ZNF317: variants seen among roughly 807,000 people sequenced by gnomAD.
ZNF317 encodes zinc finger protein 317, also known as KRAB-containing zinc finger protein 317.
ZNF317 carries 17 observed loss-of-function variants against 23.4 expected under a neutral mutation model. That is an observed-to-expected ratio of 0.73 (90% CI 0.50 to 1.09). ZNF317 has a LOEUF of 1.09. Among genes scored for constraint, ZNF317 ranks in the 50% least tolerant of loss-of-function variants. The pLI is 0.00. For synonymous variants in ZNF317, 317 were observed against 314.9 expected (o/e 1.01, Z -0.07); for missense variants, 679 against 796.7 (o/e 0.85, Z 1.78).
chr19:9,156,195 T>A lies in ZNF317; in HGVS notation c.25+154T>A, dbSNP rs192756898. ...AACAGAGCCCCAGCAGCCACCCCAG[T>A]GACTGTGTCTGCTGAGGGTCTTGGT... On this transcript the variant is annotated intron_variant, in intron 2 of 6. Transcript: ENST00000247956. Among the ~76,000 whole-genome samples, 313 of 139,852 alleles carry A rather than the reference T, an allele frequency of 2.2e-3. 2 individuals are homozygous for A. The highest frequency in any genetic ancestry group is 8.5e-3 in the African/African-American group (298 of 34,928). The allele number at this position is 139,852 out of a possible 152,430, so 91.7% of individuals were successfully genotyped here.
chr19:9,158,043 A>G lies in ZNF317; in HGVS notation c.353A>G (p.Glu118Gly), dbSNP rs1306524672. The G allele has an allele frequency of 1.5e-5, 24 of 1,551,410 alleles. No individual in the cohort carries two copies. Among genetic ancestry groups the G allele is most frequent in the Non-Finnish European group, 2.0e-5 (23 of 1,146,930 alleles). ...GAGCAGGAGGAGGAGCCGAGGACAG[A>G]GGAGAGGGGCGCTCACCAGGGCGCT... Reference protein sequence around the residue: ...HLEQEEEPRTEERGAHQGACA... With the variant: ...HLEQEEEPRTGERGAHQGACA... The change falls in exon 5 of 7, where the codon GAG becomes GGG. Residue 118 changes from glutamate (E) to glycine (G), a missense_variant. By Grantham distance (98) the Glu-to-Gly change is moderately conservative. Coordinates refer to ENST00000247956, the MANE Select transcript of ZNF317 (RefSeq NM_020933.5).
chr19:9,145,356 C>G (rs2145940611), intron 1 of ZNF317, among the ~76,000 whole-genome samples: 1 of 152,334 alleles, frequency 6.6e-6, no homozygotes, highest in South Asian at 2.1e-4. Context: ...CTCCTGCGTG[C>G]AAGTGATCCA....
chr19:9,161,408 C>T lies in ZNF317; in HGVS notation c.1763C>T (p.Ser588Leu). Residue 588 changes from serine to leucine, a missense_variant, in exon 7 of 7, where the codon TCA (serine) becomes TTA (leucine). Ser to Leu is a moderately radical substitution (Grantham distance 145). Coordinates refer to ENST00000247956, the MANE Select transcript of ZNF317 (RefSeq NM_020933.5). The surrounding 1 kb of genome is among the most constrained non-coding windows in gnomAD (Gnocchi z 4.0). ...CACCGGGGAGAGAAGCTCTTTGTGT[C>T]ATCCGTGTGGAAAAGGCTCCAGTGA... ...KTHRGEKLFV[S>L]SVWKRLQ The T allele has an allele frequency of 1.2e-6, 2 of 1,612,920 alleles. No homozygotes were observed. The highest frequency in any genetic ancestry group is 1.7e-6 in the Non-Finnish European group (2 of 1,179,062).
In ZNF317 at chr19:9,158,022, A is replaced by G. The variant is rs371164569; in HGVS notation, c.332A>G (p.Gln111Arg). ...GKPSLISHLE[Q>R]EEEPRTEERG... The stretch of plus-strand genomic sequence containing the variant: ...CCCAGCCTCATCTCACACTTGGAGC[A>G]GGAGGAGGAGCCGAGGACAGAGGAG... Residue 111 changes from glutamine (Q) to arginine (R), a missense_variant, in exon 5 of 7, where the codon CAG becomes CGG. Transcript: ENST00000247956. The G allele has an allele frequency of 1.3e-6, 2 of 1,551,584 alleles. No individual in the cohort carries two copies. The highest frequency in any genetic ancestry group is 4.9e-5 in the East Asian group (2 of 40,892).
rs375442218 is a variant in ZNF317, at chr19:9,160,857, C to G, written c.1212C>G (p.Ser404=). The G allele has an allele frequency of 8.7e-6, 14 of 1,614,092 alleles. No individual in the cohort carries two copies. Among genetic ancestry groups the G allele is most frequent in the Non-Finnish European group, 1.2e-5 (14 of 1,180,018 alleles). ...ECGKSFGDLV[S]RRKHMRIHIV... ...GGAAATCCTTTGGCGATCTCGTGTC[C>G]CGGAGGAAACACATGAGGATTCACA... is the stretch of plus-strand genomic sequence containing the variant. Residue 404 remains serine (S), a synonymous_variant, in exon 7 of 7, where the codon TCC becomes TCG. Coordinates refer to ENST00000247956, the MANE Select transcript of ZNF317 (RefSeq NM_020933.5). This position sits in a 1 kb window ranked among gnomAD's most constrained non-coding sequence, Gnocchi z 6.8.
At position 9,158,031 on chromosome 19, in the gene ZNF317, A is replaced by T. The variant is rs201330562; in HGVS notation, c.341A>T (p.Glu114Val). 14 of 1,551,450 alleles carry T rather than the reference A, an allele frequency of 9.0e-6. No homozygotes were observed. In the East Asian group the frequency reaches 3.4e-4, roughly 38 times the overall value. Residue 114 changes from glutamate to valine, a missense_variant, in exon 5 of 7, where the codon GAG becomes GTG. Physicochemically the swap from Glu to Val is moderately radical, Grantham distance 121. Coordinates refer to ENST00000247956, the MANE Select transcript of ZNF317 (RefSeq NM_020933.5). ...ATCTCACACTTGGAGCAGGAGGAGGAGCCGAGGACAGAGGAGAGGGGCGCT... is the reference window on the plus strand; with the variant it reads ...ATCTCACACTTGGAGCAGGAGGAGGTGCCGAGGACAGAGGAGAGGGGCGCT... ...SLISHLEQEE[E>V]PRTEERGAHQ...
intron 3 of ZNF317, 195 bp downstream of exon 3, chr19:9,156,943 C>A: frequency 1.4e-6 from 1 of 734,530 alleles, no homozygotes; most frequent in Non-Finnish European, 2.2e-6. Flanking sequence ...GCATCTGTTT[C>A]CCTCATGCTT....
Position 9,163,166 on chromosome 19 carries a change from C to T in ZNF317, c.*1733C>T, listed in dbSNP as rs2050878262. 6.6e-6 allele frequency: 1 copy of T among 152,220 alleles called. No individual in the cohort carries two copies. Among genetic ancestry groups the T allele is most frequent in the Non-Finnish European group, 1.5e-5 (1 of 68,044 alleles). 9.4% of individuals were successfully genotyped at this position (152,220 alleles called of 1,614,324 possible). A position where few individuals can be genotyped will look rare whatever the true frequency, so the allele number is the denominator to read the frequency against. On this transcript the variant is annotated 3_prime_UTR_variant, in exon 7 of 7. Coordinates refer to ENST00000247956, the MANE Select transcript of ZNF317 (RefSeq NM_020933.5). ...CTCTTGAATGGGGATCGTTCTTAAA[C>T]ATGAATTCCTCCCTGTATGTTTTGT...
chr19:9,150,353 CAGTGTTAA>C (rs1332216918), intron 1 of ZNF317, among the ~76,000 whole-genome samples: 1 of 152,148 alleles, frequency 6.6e-6, no homozygotes, highest in Non-Finnish European at 1.5e-5. Context: ...ATACATAACC[CAGTGTTAA>C]AGTCTTCAGT....
intron 1 of ZNF317, 32 bp from the exon 2 acceptor site, chr19:9,155,893 C>A: frequency 1.6e-6 from 2 of 1,229,450 alleles, no homozygotes; most frequent in Non-Finnish European, 2.4e-6. Context: ...GATAGCCTTT[C>A]ACTACTCCCG....
In ZNF317 at chr19:9,163,285, G is replaced by A. The variant is rs2050879565; in HGVS notation, c.*1852G>A. The A allele has an allele frequency of 6.6e-6, 1 of 152,202 alleles. No homozygotes were observed. The highest frequency in any genetic ancestry group is 6.5e-5 in the Admixed American group (1 of 15,274). 9.4% of individuals were successfully genotyped at this position (152,202 alleles called of 1,614,324 possible). A position where few individuals can be genotyped will look rare whatever the true frequency, so the allele number is the denominator to read the frequency against. ...GTGCATATGAAAACCACAGTCTAAG[G>A]AAGTGACTGCAGAAAGCTCACAGCG... On this transcript the variant is annotated 3_prime_UTR_variant, in exon 7 of 7. Transcript: ENST00000247956.
chr19:9,142,773 A>G (rs528409392), intron 1 of ZNF317, among the ~76,000 whole-genome samples: 12 of 152,024 alleles, frequency 7.9e-5, no homozygotes, highest in African/African-American at 2.9e-4. Flanking sequence ...GTTACATTGA[A>G]TTTGTATTGG....
chr19:9,140,981 C>G (rs1446721747), intron 1 of ZNF317, among the ~76,000 whole-genome samples: 1 of 152,154 alleles, frequency 6.6e-6, no homozygotes, highest in Non-Finnish European at 1.5e-5. Context: ...TGAATGTCAG[C>G]ACATTGGTGT....
intron 1 of ZNF317, among the ~76,000 whole-genome samples, chr19:9,153,969 A>G (rs564533769): frequency 6.6e-6 from 1 of 152,266 alleles, no homozygotes; most frequent in East Asian, 1.9e-4. Flanking sequence ...ATTGGTTTCA[A>G]GATGGGATAG....
chr19:9,161,233 T>A lies in ZNF317; in HGVS notation c.1588T>A (p.Tyr530Asn), dbSNP rs753854143. The A allele has an allele frequency of 5.0e-6, 8 of 1,614,008 alleles. No homozygotes were observed. In the South Asian group the frequency reaches 8.8e-5, roughly 18 times the overall value. The part of the protein sequence containing the change: ...HMRSHTGEKP[Y>N]ECDHCGKAFS... ...GCGAAGCCACACGGGGGAGAAACCGTACGAATGCGATCACTGTGGGAAGGC... is the reference window on the plus strand; with the variant it reads ...GCGAAGCCACACGGGGGAGAAACCGAACGAATGCGATCACTGTGGGAAGGC... The change falls in exon 7 of 7, where the codon TAC becomes AAC. Residue 530 changes from tyrosine to asparagine, a missense_variant. Transcript: ENST00000247956. The surrounding 1 kb of genome is among the most constrained non-coding windows in gnomAD (Gnocchi z 4.0).
intron 1 of ZNF317, among the ~76,000 whole-genome samples, chr19:9,143,860 T>G (rs905445606): frequency 6.6e-6 from 1 of 151,964 alleles, no homozygotes; most frequent in Middle Eastern, 3.4e-3. Flanking sequence ...AATACTTCAT[T>G]TTTCTCTATG....
At chr19:9,143,826 T>C (rs1462902672) in intron 1 of ZNF317, among the ~76,000 whole-genome samples, 1 of 151,686 alleles carries the variant, frequency 6.6e-6, no homozygotes, top group African/African-American at 2.4e-5. Flanking sequence ...CACCTCTTTT[T>C]GGATTTATAA....
At chr19:9,152,411 G>A (rs573318423) in intron 1 of ZNF317, among the ~76,000 whole-genome samples, 10 of 152,276 alleles carry the variant, frequency 6.6e-5, no homozygotes, top group East Asian at 1.9e-4. Flanking sequence ...GGAGGTGAGC[G>A]GAGGGCAAGT....
chr19:9,142,623 GT>G (rs1330346820), intron 1 of ZNF317, among the ~76,000 whole-genome samples: 3 of 147,714 alleles, frequency 2.0e-5, no homozygotes, highest in African/African-American at 7.6e-5. Flanking sequence ...TATATTGATA[GT>G]TTTGTATCTG....
Sources: allele counts gnomAD v4.1 joint callset (sites outside exome capture counted in the v4.1 genomes callset), GRCh38; gene constraint gnomAD v4.1.1; non-coding constraint Gnocchi (gnomAD v3.1); transcripts MANE v1.5; gene names NCBI Gene and HGNC (gene_info 2026-07-23, HGNC 2026-07-21).